The following HELZ variants were observed in gnomAD, a reference collection of about 807,000 sequenced individuals.
The protein encoded by HELZ is helicase with zinc finger, also known as ATP-dependent RNA helicase with zinc finger domain.
Under a neutral mutation model 218.2 loss-of-function variants are expected in HELZ, and 23 were observed. The observed-to-expected ratio is 0.11, with a 90% CI of 0.08 to 0.15. The LOEUF (loss-of-function observed/expected upper bound fraction) is 0.15. Among genes scored for constraint, HELZ ranks in the 10% least tolerant of loss-of-function variants. HELZ has a pLI of 1.00. For synonymous variants in HELZ, 814 were observed against 829.4 expected, an observed-to-expected ratio of 0.98 and a Z score of 0.32; for missense variants, 1,813 against 2,353.7, an observed-to-expected ratio of 0.77 and a Z score of 4.75.
chr17:67,162,354 A>C (rs1429921759), intron 15 of HELZ, among the ~76,000 whole-genome samples: 1 of 152,176 alleles, frequency 6.6e-6, no homozygotes, highest in African/African-American at 2.4e-5. Flanking sequence ...CCATGTAATC[A>C]TGCCAATATT....
In HELZ at chr17:67,123,148, G is replaced by T. The variant is rs1221863604; in HGVS notation, c.3452C>A (p.Pro1151His). The stretch of plus-strand genomic sequence containing the variant: ...AATAGGATTGCCAATAAGTACAGAA[G>T]GATTGGGCTGAACTGAAAAATAAAC... The part of the protein sequence containing the change: ...FQNDGIVQPN[P>H]SVLIGNPIRA... Residue 1151 changes from proline (P) to histidine (H), a missense_variant, in exon 26 of 33, where the codon CCT becomes CAT. Around this residue, in one of 4 missense-constraint regions of HELZ, gnomAD observed 938 missense variants for 1,027.5 expected, o/e 0.91. Coordinates refer to ENST00000358691, the MANE Select transcript of HELZ (RefSeq NM_014877.4). The T allele has an allele frequency of 1.9e-6, 3 of 1,610,540 alleles. No individual in the cohort carries two copies. In the Admixed American group the frequency reaches 5.0e-5, roughly 27 times the overall value.
chr17:67,094,528 T>C lies in HELZ; in HGVS notation c.5242-7447A>G, dbSNP rs894761896. On this transcript the variant is annotated intron_variant, in intron 31 of 32. Coordinates refer to ENST00000358691, the MANE Select transcript of HELZ (RefSeq NM_014877.4). Reference sequence around the variant, plus strand: ...TGCAATACAGCTAATACTGCAATAATGTGAGTCACGTAAATTTTTTGGTTT... The same window carrying C: ...TGCAATACAGCTAATACTGCAATAACGTGAGTCACGTAAATTTTTTGGTTT... Among the ~76,000 whole-genome samples, 5 of 152,158 alleles carry C rather than the reference T, an allele frequency of 3.3e-5. 1 individual carries two copies. The highest frequency in any genetic ancestry group is 1.2e-4 in the African/African-American group (5 of 41,406).
Position 67,108,446 on chromosome 17 carries a change from G to T in HELZ, c.4724+46C>A. The T allele has an allele frequency of 2.1e-6, 3 of 1,416,828 alleles. No homozygotes were observed. Among genetic ancestry groups the T allele is most frequent in the African/African-American group, 1.4e-5 (1 of 70,994 alleles). The allele number at this position is 1,416,828 out of a possible 1,614,324, so 87.8% of individuals were successfully genotyped here. ...AGGACTACAGTCAAAAAAGAGAACA[G>T]TGAGGGGGTCGCATTCCAGGGGCTA... On this transcript the variant is annotated intron_variant, in intron 30 of 32. Coordinates refer to ENST00000358691, the MANE Select transcript of HELZ (RefSeq NM_014877.4). This position sits in a 1 kb window ranked among gnomAD's most constrained non-coding sequence, Gnocchi z 4.1.
At position 67,128,654 on chromosome 17, in the gene HELZ, G is replaced by A; in HGVS notation, c.3384C>T (p.Pro1128=). 1 of 1,613,370 alleles carries A rather than the reference G, an allele frequency of 6.2e-7. No homozygotes were observed. The highest frequency in any genetic ancestry group is 8.5e-7 in the Non-Finnish European group (1 of 1,179,346). ...ATTTCATTAACAGAGGCTTTACCTT[G>A]GGTGGTGATTGCTGCTGTTTGTTGG... ...GSTNKQQQSP[P]KGKSLHHTQN... is the part of the protein sequence containing the mutation. Residue 1128 remains proline (P), a synonymous_variant, in exon 24 of 33, where the codon CCC becomes CCT. Transcript: ENST00000358691.
rs551880261 is a variant in HELZ at position 67,242,774 on chromosome 17, T to C, written c.-76+1010A>G. Among the ~76,000 whole-genome samples the C allele has an allele frequency of 3.4e-5, 5 of 148,806 alleles. No individual in the cohort carries two copies. The South Asian group carries it at 1.0e-3, about 31-fold the overall frequency. On this transcript the variant is annotated intron_variant, in intron 2 of 32. Coordinates refer to ENST00000358691, the MANE Select transcript of HELZ (RefSeq NM_014877.4). Reference sequence around the variant, plus strand: ...GCACTTACAAAAGAATCTTGGTTTATGTCCACCTTCCTTTCCTAAGTTTTT... The same window carrying C: ...GCACTTACAAAAGAATCTTGGTTTACGTCCACCTTCCTTTCCTAAGTTTTT...
chr17:67,150,349 G>A (rs1280826623), intron 18 of HELZ, among the ~76,000 whole-genome samples: 1 of 151,792 alleles, frequency 6.6e-6, no homozygotes, highest in African/African-American at 2.4e-5. Context: ...CAGTCTGGCT[G>A]AACTCCTGGC....
chr17:67,232,052 C>CAAAAA (rs754429326), intron 3 of HELZ, among the ~76,000 whole-genome samples: 3 of 42,462 alleles, frequency 7.1e-5, no homozygotes, highest in African/African-American at 1.4e-4. Context: ...GACTCCATCT[C>CAAAAA]AAAAAAAAAA....
chr17:67,155,290 T>C (rs570833375), intron 17 of HELZ, among the ~76,000 whole-genome samples: 1 of 151,984 alleles, frequency 6.6e-6, no homozygotes, highest in Admixed American at 6.5e-5. Flanking sequence ...AACAACCAGT[T>C]CAGAAAGGAG....
chr17:67,154,809 A>C (rs2038790967), intron 17 of HELZ, among the ~76,000 whole-genome samples: 1 of 152,222 alleles, frequency 6.6e-6, no homozygotes, highest in Admixed American at 6.5e-5. Flanking sequence ...TATAACCTCT[A>C]TATCATAAGC....
intron 28 of HELZ, 27 bp downstream of exon 28, chr17:67,114,297 G>A (rs1437409399): frequency 1.4e-6 from 2 of 1,473,730 alleles, no homozygotes; most frequent in African/African-American, 2.8e-5. Flanking sequence ...AAATCCACTA[G>A]GACAACACAG....
rs541813199 is a variant in HELZ at position 67,090,057 on chromosome 17, C to T, written c.5242-2976G>A. Among the ~76,000 whole-genome samples, 31 of 151,630 alleles carry T rather than the reference C, an allele frequency of 2.0e-4. 2 individuals carry two copies. The South Asian group carries it at 5.8e-3, about 28-fold the overall frequency. On this transcript the variant is annotated intron_variant, in intron 31 of 32. Coordinates refer to ENST00000358691, the MANE Select transcript of HELZ (RefSeq NM_014877.4). Reference sequence around the variant, plus strand: ...GGTAGCTGCAGAATTGTTATAGATGCCCTTTAACAGGGTGAAGAAGTTCCT... The same window carrying T: ...GGTAGCTGCAGAATTGTTATAGATGTCCTTTAACAGGGTGAAGAAGTTCCT...
intron 5 of HELZ, among the ~76,000 whole-genome samples, chr17:67,207,209 GC>G (rs1248358536): frequency 9.0e-5 from 12 of 133,356 alleles, no homozygotes; most frequent in African/African-American, 3.4e-4. Flanking sequence ...ACCACGCCCG[GC>G]CTTTTTTTTT....
intron 2 of HELZ, among the ~76,000 whole-genome samples, chr17:67,242,454 A>G (rs1038081838): frequency 6.6e-6 from 1 of 151,452 alleles, no homozygotes; most frequent in South Asian, 2.1e-4. Context: ...ATCTATATAC[A>G]TAGATACACA....
At chr17:67,165,834 T>C (rs2039126947) in intron 15 of HELZ, among the ~76,000 whole-genome samples, 1 of 152,244 alleles carries the variant, frequency 6.6e-6, no homozygotes, top group Non-Finnish European at 1.5e-5. Flanking sequence ...ATCTCTCCTA[T>C]CTTTAAAAAT....
In HELZ at chr17:67,202,666, A is replaced by C. The variant is rs1181162378; in HGVS notation, c.372+653T>G. On this transcript the variant is annotated intron_variant, in intron 6 of 32. Coordinates refer to ENST00000358691, the MANE Select transcript of HELZ (RefSeq NM_014877.4). ...AAACATTTTATGAAATAAATTGTTG[A>C]ATTTAAGAACCCTATGAGATCATAT... Among the ~76,000 whole-genome samples the C allele has an allele frequency of 3.3e-5, 5 of 152,354 alleles. No individual in the cohort carries two copies. The East Asian group carries it at 9.6e-4, about 29-fold the overall frequency.
At chr17:67,217,897 G>A (rs2040643243) in intron 4 of HELZ, among the ~76,000 whole-genome samples, 1 of 149,920 alleles carries the variant, frequency 6.7e-6, no homozygotes, top group African/African-American at 2.5e-5. Flanking sequence ...ACAATCTATG[G>A]TGGGGTTTTT....
intron 31 of HELZ, among the ~76,000 whole-genome samples, chr17:67,095,687 T>G (rs1350098299): frequency 6.6e-6 from 1 of 152,228 alleles, no homozygotes; most frequent in East Asian, 1.9e-4. Flanking sequence ...CTCCACTGAC[T>G]TCTTGAACCC....
At position 67,235,477 on chromosome 17, in the gene HELZ, C is replaced by G. The variant is rs570298189; in HGVS notation, c.-19+3956G>C. 1.6e-4 allele frequency among the ~76,000 whole-genome samples: 25 copies of G among 151,562 alleles called. No homozygotes were observed. The South Asian group carries it at 2.3e-3, about 14-fold the overall frequency. The stretch of plus-strand genomic sequence containing the variant: ...TCGAGATCGTGTCACTGTACTCCAG[C>G]CTGGGCAACAGAGCGAGACTCCCTC... On this transcript the variant is annotated intron_variant, in intron 3 of 32. Transcript: ENST00000358691.
intron 21 of HELZ, among the ~76,000 whole-genome samples, chr17:67,143,186 C>T (rs1443578277): frequency 6.6e-6 from 1 of 152,102 alleles, no homozygotes; most frequent in Non-Finnish European, 1.5e-5. Flanking sequence ...CTCCTCTATG[C>T]CTCAGGTCCC....
Sources: allele counts gnomAD v4.1 joint callset (sites outside exome capture counted in the v4.1 genomes callset), GRCh38; gene constraint gnomAD v4.1.1; regional missense constraint gnomAD v4.1.1; non-coding constraint Gnocchi (gnomAD v3.1); transcripts MANE v1.5; gene names NCBI Gene and HGNC (gene_info 2026-07-23, HGNC 2026-07-21).